Variants in CDKN1A observed in about 807,000 individuals in gnomAD.
CDKN1A encodes the protein cyclin dependent kinase inhibitor 1A, also known as cyclin-dependent kinase inhibitor 1.
Under a neutral mutation model 14.8 loss-of-function variants are expected in CDKN1A, and 14 were observed. The ratio of observed to expected loss-of-function variants is 0.94; its 90% confidence interval spans 0.62 to 1.48. The LOEUF is 1.48. Ranked by LOEUF, CDKN1A falls within the 40% of genes most tolerant of loss-of-function variation. The pLI is 0.00. For missense variants in CDKN1A, 203 were observed against 231.7 expected, an observed-to-expected ratio of 0.88 and a Z score of 0.80; for synonymous variants, 92 against 93.5, an observed-to-expected ratio of 0.98 and a Z score of 0.09.
At chr6:36,685,404 C>A (rs985364452) in intron 2 of CDKN1A, among the ~76,000 whole-genome samples, 1 of 152,224 alleles carries the variant, frequency 6.6e-6, no homozygotes, top group Non-Finnish European at 1.5e-5. Flanking sequence ...ATTTGACACA[C>A]AGCTCATGTG....
intron 2 of CDKN1A, 82 bp from the exon 3 acceptor site, chr6:36,685,669 C>G (rs1034635876): frequency 1.6e-5 from 22 of 1,412,748 alleles, no homozygotes; most frequent in Non-Finnish European, 2.1e-5. Flanking sequence ...GGTGTCCTGG[C>G]CCCCCACTGT....
rs535671586 is a variant in CDKN1A at position 36,685,683 on chromosome 6, C to T, written c.446-68C>T. 11 of 1,530,884 alleles carry T rather than the reference C, an allele frequency of 7.2e-6. No homozygotes were observed. The South Asian group carries it at 7.8e-5, about 11-fold the overall frequency. 94.8% of individuals were successfully genotyped at this position (1,530,884 alleles called of 1,614,324 possible). On this transcript the variant is annotated intron_variant, in intron 2 of 2. Transcript: ENST00000244741. ...GGGTGTCCTGGCCCCCCACTGTCTT[C>T]CTCAGTTGGGCAGCTCCGCCGCGTC...
At chr6:36,681,276 CTTTTT>C (rs1451003891) in intron 1 of CDKN1A, among the ~76,000 whole-genome samples, 31 of 105,584 alleles carry the variant, frequency 2.9e-4, no homozygotes, top group Admixed American at 8.8e-4. Flanking sequence ...TTCTTTCTTT[CTTTTT>C]TTCTTTCTTT....
At chr6:36,677,414 G>C (rs1761730789), upstream of CDKN1A, among the ~76,000 whole-genome samples, 1 of 152,130 alleles carries the variant, frequency 6.6e-6, no homozygotes, top group African/African-American at 2.4e-5. Context: ...TCCAAGCCTG[G>C]GTTCTGTTTT....
At chr6:36,685,522 G>A (rs1466351322) in intron 2 of CDKN1A, among the ~76,000 whole-genome samples, 1 of 152,228 alleles carries the variant, frequency 6.6e-6, no homozygotes, top group African/African-American at 2.4e-5. Context: ...GCAGACCCAT[G>A]GGTGCGGGTG....
chr6:36,682,346 G>A (rs2150311274), intron 1 of CDKN1A, among the ~76,000 whole-genome samples: 1 of 152,360 alleles, frequency 6.6e-6, no homozygotes, highest in African/African-American at 2.4e-5. Context: ...GCCTAGCAGA[G>A]GGTGGATAGA....
chr6:36,684,351 C>A lies in CDKN1A; in HGVS notation c.250C>A (p.Arg84=), dbSNP rs781404776. 8 of 1,613,286 alleles carry A rather than the reference C, an allele frequency of 5.0e-6. No homozygotes were observed. Among genetic ancestry groups the A allele is most frequent in the Non-Finnish European group, 6.8e-6 (8 of 1,179,890 alleles). Residue 84 remains arginine, a synonymous_variant, in exon 2 of 3, where the codon CGA becomes AGA. Coordinates refer to ENST00000244741, the MANE Select transcript of CDKN1A (RefSeq NM_000389.5). The surrounding 1 kb of genome is among the most constrained non-coding windows in gnomAD (Gnocchi z 6.0). The stretch of plus-strand genomic sequence containing the variant: ...GCTCTACCTTCCCACGGGGCCCCGG[C>A]GAGGCCGGGATGAGTTGGGAGGAGG... ...PKLYLPTGPR[R]GRDELGGGRR...
At chr6:36,681,403 T>TCCTTTCTCTTTCTC (rs1761988890) in intron 1 of CDKN1A, among the ~76,000 whole-genome samples, 4 of 104,396 alleles carry the variant, frequency 3.8e-5, no homozygotes, top group Non-Finnish European at 7.5e-5. Context: ...CTTTCTTTCT[T>TCCTTTCTCTTTCTC]TCTTCCTTTC....
intron 1 of CDKN1A, among the ~76,000 whole-genome samples, chr6:36,683,636 G>A (rs1762090434): frequency 6.6e-6 from 1 of 152,212 alleles, no homozygotes. Context: ...GGGGGACTTA[G>A]GAGGCTGGAG....
In CDKN1A at chr6:36,678,754, G is replaced by A. The variant is rs376404028; in HGVS notation, c.-50G>A. The A allele has an allele frequency of 2.1e-5, 21 of 985,732 alleles. No homozygotes were observed. Among genetic ancestry groups the A allele is most frequent in the East Asian group, 2.3e-4 (2 of 8,820 alleles). The allele number at this position is 985,732 out of a possible 1,614,324, so 61.1% of individuals were successfully genotyped here. On this transcript the variant is annotated 5_prime_UTR_variant, in exon 1 of 3. Transcript: ENST00000244741. The surrounding 1 kb of genome is among the most constrained non-coding windows in gnomAD (Gnocchi z 5.7). ...GCCGAAGTCAGTTCCTTGTGGAGCC[G>A]GAGCTGGGCGCGGATTCGCCGAGGC...
At chr6:36,681,334 T>TTCTTTCTTTCTTTC in intron 1 of CDKN1A, among the ~76,000 whole-genome samples, 1 of 86,136 alleles carries the variant, frequency 1.2e-5, no homozygotes, top group South Asian at 4.3e-4. Flanking sequence ...CTTTCTTTCT[T>TTCTTTCTTTCTTTC]TTTCTTTCTT....
At chr6:36,681,693 C>T (rs984681861) in intron 1 of CDKN1A, among the ~76,000 whole-genome samples, 4 of 148,564 alleles carry the variant, frequency 2.7e-5, no homozygotes. Flanking sequence ...CCCGGGTTCA[C>T]GCCATTCTCC....
Position 36,685,952 on chromosome 6 carries a change from C to A in CDKN1A, c.*152C>A. The A allele has an allele frequency of 1.3e-6, 1 of 760,936 alleles. No individual in the cohort carries two copies. The highest frequency in any genetic ancestry group is 2.3e-6 in the Non-Finnish European group (1 of 439,578). The allele number at this position is 760,936 out of a possible 1,614,324, so 47.1% of individuals were successfully genotyped here. A position where few individuals can be genotyped will look rare whatever the true frequency, so the allele number is the denominator to read the frequency against. ...TGTACATACCCTGGCCGCCCCCTGC[C>A]CCCCAGCCTCTGGCATTAGAATTAT... On this transcript the variant is annotated 3_prime_UTR_variant, in exon 3 of 3. Coordinates refer to ENST00000244741, the MANE Select transcript of CDKN1A (RefSeq NM_000389.5).
intron 1 of CDKN1A, among the ~76,000 whole-genome samples, chr6:36,680,274 C>A (rs1016768524): frequency 7.0e-6 from 1 of 143,662 alleles, no homozygotes. Context: ...GGGGCCGGCT[C>A]CCGGCGCGCG....
upstream of CDKN1A, chr6:36,678,035 C>T (rs1028386973): frequency 4.3e-6 from 2 of 470,342 alleles, no homozygotes; most frequent in African/African-American, 2.0e-5. The surrounding 1 kb of genome is among the most constrained non-coding windows in gnomAD (Gnocchi z 5.7). Context: ...CCCTCCTTCC[C>T]GGAAGCATGT....
upstream of CDKN1A, chr6:36,678,226 G>T: frequency 9.5e-6 from 2 of 211,132 alleles, no homozygotes; most frequent in East Asian, 1.4e-4. The surrounding 1 kb of genome is among the most constrained non-coding windows in gnomAD (Gnocchi z 5.7). Flanking sequence ...GATATTGTGG[G>T]GCTTTTCTGG....
intron 1 of CDKN1A, among the ~76,000 whole-genome samples, chr6:36,681,280 TTTTCTTTCTTTC>T (rs1203395813): frequency 2.0e-4 from 23 of 112,788 alleles, no homozygotes; most frequent in Non-Finnish European, 3.4e-4. Flanking sequence ...TTCTTTCTTT[TTTTCTTTCTTTC>T]TTTCTTTCTT....
chr6:36,681,293 T>TTTCC (rs1761948042), intron 1 of CDKN1A, among the ~76,000 whole-genome samples: 1 of 115,694 alleles, frequency 8.6e-6, no homozygotes, highest in African/African-American at 3.3e-5. Flanking sequence ...TCTTTCTTTC[T>TTTCC]TTCTTTCTTT....
At chr6:36,685,306 C>T (rs1762162887) in intron 2 of CDKN1A, among the ~76,000 whole-genome samples, 1 of 152,168 alleles carries the variant, frequency 6.6e-6, no homozygotes, top group South Asian at 2.1e-4. Context: ...GATTTTGTAA[C>T]AGAATCCCTA....
Sources: allele counts gnomAD v4.1 joint callset (sites outside exome capture counted in the v4.1 genomes callset), GRCh38; gene constraint gnomAD v4.1.1; non-coding constraint Gnocchi (gnomAD v3.1); transcripts MANE v1.5; gene names NCBI Gene and HGNC (gene_info 2026-07-23, HGNC 2026-07-21).